The following RIMS2 variants were observed in gnomAD, a reference collection of about 807,000 sequenced individuals.
The protein encoded by RIMS2 is regulating synaptic membrane exocytosis protein 2.
Under a neutral mutation model 174.4 loss-of-function variants are expected in RIMS2, and 59 were observed. The observed-to-expected ratio is 0.34, with a 90% CI of 0.27 to 0.42. The LOEUF is 0.42. Ranked by LOEUF, RIMS2 falls within the 10% of genes least tolerant of loss-of-function variation. The probability of loss-of-function intolerance (pLI) is 1.00; values close to 1 mark genes in which losing one functional copy is unlikely to be tolerated. For missense variants in RIMS2, 1,620 were observed against 1,666.3 expected (o/e 0.97, Z 0.48); for synonymous variants, 606 against 572.5 (o/e 1.06, Z -0.84).
At chr8:103,939,859 T>TA (rs2082132070) in intron 13 of RIMS2, among the ~76,000 whole-genome samples, 1 of 152,322 alleles carries the variant, frequency 6.6e-6, no homozygotes, top group African/African-American at 2.4e-5. Flanking sequence ...GTCTCTTTGC[T>TA]AAAACATAAC....
intron 1 of RIMS2, among the ~76,000 whole-genome samples, chr8:103,504,786 G>A (rs990672162): frequency 7.7e-5 from 11 of 143,578 alleles, no homozygotes; most frequent in Admixed American, 6.2e-4. Flanking sequence ...ATTTTCTAAA[G>A]TTAATTTATA....
intron 1 of RIMS2, among the ~76,000 whole-genome samples, chr8:103,666,178 G>A (rs935988379): frequency 1.3e-5 from 2 of 152,188 alleles, no homozygotes; most frequent in Non-Finnish European, 2.9e-5. Flanking sequence ...ATGAGGTACA[G>A]GAATAGCTGG....
intron 14 of RIMS2, among the ~76,000 whole-genome samples, chr8:103,949,404 C>T (rs1478331336): frequency 1.3e-5 from 2 of 152,086 alleles, no homozygotes; most frequent in Non-Finnish European, 2.9e-5. Flanking sequence ...CCTGCCCAAA[C>T]AAGTATCGAT....
intron 19 of RIMS2, among the ~76,000 whole-genome samples, chr8:104,077,975 T>G (rs867675424): frequency 5.3e-5 from 8 of 151,912 alleles, no homozygotes; most frequent in African/African-American, 7.2e-5. Flanking sequence ...AAACCCCATC[T>G]CTACTAAAAA....
chr8:103,860,265 C>CA (rs1195681228), intron 3 of RIMS2, among the ~76,000 whole-genome samples: 2 of 152,118 alleles, frequency 1.3e-5, no homozygotes, highest in Non-Finnish European at 2.9e-5. Context: ...TAGAGTACAA[C>CA]ACACTGGGCC....
chr8:104,154,708 C>T (rs1465926512), intron 19 of RIMS2, among the ~76,000 whole-genome samples: 4 of 152,196 alleles, frequency 2.6e-5, no homozygotes, highest in African/African-American at 4.8e-5. Flanking sequence ...TGTGGTCACT[C>T]AGGCATCTGC....
intron 1 of RIMS2, among the ~76,000 whole-genome samples, chr8:103,530,936 A>G (rs1280616955): frequency 6.6e-6 from 1 of 151,834 alleles, no homozygotes. Context: ...CTTAACTTTT[A>G]TGGTTTAGGT....
At chr8:103,579,387 T>C (rs1234263863) in intron 1 of RIMS2, among the ~76,000 whole-genome samples, 6 of 152,048 alleles carry the variant, frequency 3.9e-5, no homozygotes, top group Non-Finnish European at 5.9e-5. Context: ...TAAAACCTAC[T>C]GATAAAATTA....
At chr8:103,819,709 AT>A in intron 3 of RIMS2, 1 of 1,083,728 alleles carries the variant, frequency 9.2e-7, no homozygotes. Context: ...ATTGTTTTGT[AT>A]TGAAGTGCTA....
intron 19 of RIMS2, among the ~76,000 whole-genome samples, chr8:104,097,567 A>G (rs964188659): frequency 1.3e-5 from 2 of 152,000 alleles, no homozygotes; most frequent in Non-Finnish European, 1.5e-5. Context: ...ACTAAGCAGC[A>G]TAGTAGCATC....
intron 1 of RIMS2, among the ~76,000 whole-genome samples, chr8:103,595,893 G>A (rs1179510299): frequency 1.3e-5 from 2 of 151,804 alleles, no homozygotes; most frequent in African/African-American, 2.4e-5. Flanking sequence ...AATAAACAGC[G>A]GGAGGTTTTT....
intron 2 of RIMS2, among the ~76,000 whole-genome samples, chr8:103,763,655 A>T (rs1463333659): frequency 1.3e-5 from 2 of 152,144 alleles, no homozygotes; most frequent in Admixed American, 1.3e-4. Context: ...TGTGAGAAGG[A>T]TATTAACACA....
intron 19 of RIMS2, among the ~76,000 whole-genome samples, chr8:104,049,127 A>T (rs1419281242): frequency 2.6e-4 from 13 of 50,768 alleles, no homozygotes; most frequent in African/African-American, 8.5e-4. Context: ...ATTTTTCTTT[A>T]AAAAAAAAAA....
chr8:104,249,824 C>G (rs1048995307), intron 22 of RIMS2, among the ~76,000 whole-genome samples: 1 of 152,140 alleles, frequency 6.6e-6, no homozygotes, highest in Non-Finnish European at 1.5e-5. Flanking sequence ...GTAGAAACCA[C>G]TGCAAAATAA....
At chr8:104,237,868 A>G (rs2099266868) in intron 19 of RIMS2, among the ~76,000 whole-genome samples, 1 of 152,180 alleles carries the variant, frequency 6.6e-6, no homozygotes, top group South Asian at 2.1e-4. Flanking sequence ...GCATAAGTGT[A>G]TGAGCTTTTA....
At chr8:103,769,486 G>C (rs917342903) in intron 3 of RIMS2, among the ~76,000 whole-genome samples, 2 of 152,050 alleles carry the variant, frequency 1.3e-5, no homozygotes, top group Non-Finnish European at 2.9e-5. Flanking sequence ...ACCATGCCTG[G>C]CTAATTTTTT....
At chr8:103,966,901 T>C (rs908229978) in intron 15 of RIMS2, among the ~76,000 whole-genome samples, 1 of 151,992 alleles carries the variant, frequency 6.6e-6, no homozygotes, top group South Asian at 2.1e-4. Context: ...TTATTGGGTT[T>C]TGCAGTTATC....
intron 1 of RIMS2, among the ~76,000 whole-genome samples, chr8:103,589,107 C>G (rs796159378): frequency 1.5e-4 from 23 of 151,652 alleles, no homozygotes; most frequent in African/African-American, 5.1e-4. Flanking sequence ...AAGAAGATGG[C>G]AAATTATCCT....
chr8:103,985,089 T>A (rs2094239933), intron 16 of RIMS2, among the ~76,000 whole-genome samples: 1 of 152,034 alleles, frequency 6.6e-6, no homozygotes, highest in South Asian at 2.1e-4. Flanking sequence ...CGGGTACAAA[T>A]AATAGAAATA....
Sources: allele counts gnomAD v4.1 joint callset (sites outside exome capture counted in the v4.1 genomes callset), GRCh38; gene constraint gnomAD v4.1.1; transcripts MANE v1.5; gene names NCBI Gene and HGNC (gene_info 2026-07-23, HGNC 2026-07-21).